Variants in HCN1 observed in about 807,000 individuals in gnomAD.
HCN1 encodes hyperpolarization activated cyclic nucleotide gated potassium channel 1.
Under a neutral mutation model 78.9 loss-of-function variants are expected in HCN1, and 13 were observed. The observed-to-expected ratio is 0.16, with a 90% CI of 0.11 to 0.26. The LOEUF (loss-of-function observed/expected upper bound fraction) is 0.26. Ranked by LOEUF, HCN1 falls within the 10% of genes least tolerant of loss-of-function variation. The probability of loss-of-function intolerance (pLI) is 1.00; values close to 1 mark genes in which losing one functional copy is unlikely to be tolerated. For synonymous variants in HCN1, 552 were observed against 455.5 expected (o/e 1.21, Z -2.70); for missense variants, 810 against 1,154.3 (o/e 0.70, Z 4.32).
intron 4 of HCN1, among the ~76,000 whole-genome samples, chr5:45,372,210 TATA>T (rs1237107214): frequency 1.9e-4 from 14 of 72,196 alleles, no homozygotes; most frequent in Admixed American, 8.1e-4. Context: ...ATACATATTA[TATA>T]ATATAATATA....
At chr5:45,417,527 C>G (rs1230851091) in intron 3 of HCN1, among the ~76,000 whole-genome samples, 1 of 151,606 alleles carries the variant, frequency 6.6e-6, no homozygotes, top group South Asian at 2.1e-4. Context: ...AATACAAGGT[C>G]ATTGCCTCCA....
intron 1 of HCN1, among the ~76,000 whole-genome samples, chr5:45,660,148 T>G (rs1374919500): frequency 8.4e-6 from 1 of 119,326 alleles, no homozygotes; most frequent in Non-Finnish European, 1.7e-5. Flanking sequence ...GGGCCAATAT[T>G]CAACATTCTT....
intron 2 of HCN1, among the ~76,000 whole-genome samples, chr5:45,601,442 G>GT (rs1213619434): frequency 6.6e-6 from 1 of 152,140 alleles, no homozygotes; most frequent in Admixed American, 6.6e-5. Context: ...TGGGGCCTGT[G>GT]TTTCTCACCT....
intron 2 of HCN1, among the ~76,000 whole-genome samples, chr5:45,522,602 CTT>C (rs79339415): frequency 2.1e-4 from 29 of 141,326 alleles, no homozygotes; most frequent in Non-Finnish European, 2.6e-4. Flanking sequence ...AGTCTCTTTT[CTT>C]TTTTTTTTTT....
At chr5:45,271,433 CT>C (rs1182952600) in intron 6 of HCN1, among the ~76,000 whole-genome samples, 1 of 150,640 alleles carries the variant, frequency 6.6e-6, no homozygotes, top group Non-Finnish European at 1.5e-5. Context: ...TTTAGGGATT[CT>C]TTTTTTGGTA....
chr5:45,488,538 G>T (rs1002012110), intron 2 of HCN1, among the ~76,000 whole-genome samples: 1 of 151,908 alleles, frequency 6.6e-6, no homozygotes, highest in Non-Finnish European at 1.5e-5. Flanking sequence ...ATATAATATT[G>T]CTTTAAAAGA....
intron 3 of HCN1, among the ~76,000 whole-genome samples, chr5:45,425,760 T>C (rs1016856583): frequency 6.6e-6 from 1 of 152,172 alleles, no homozygotes. Flanking sequence ...TATTGTGATT[T>C]TATTCATTGA....
At chr5:45,650,686 T>C (rs1426451557) in intron 1 of HCN1, among the ~76,000 whole-genome samples, 1 of 151,930 alleles carries the variant, frequency 6.6e-6, no homozygotes, top group East Asian at 1.9e-4. Flanking sequence ...TTATGTAGAG[T>C]GTATCTTCTC....
chr5:45,443,531 G>A (rs1740725309), intron 3 of HCN1, among the ~76,000 whole-genome samples: 1 of 151,976 alleles, frequency 6.6e-6, no homozygotes, highest in South Asian at 2.1e-4. Flanking sequence ...GAAAAAAGAT[G>A]CGTTAACTCA....
intron 4 of HCN1, among the ~76,000 whole-genome samples, chr5:45,368,379 C>T (rs530635898): frequency 6.6e-6 from 1 of 151,854 alleles, no homozygotes; most frequent in African/African-American, 2.4e-5. Context: ...AATTATTTTT[C>T]CTAAAGTTAA....
chr5:45,272,135 C>T (rs1029796514), intron 6 of HCN1, among the ~76,000 whole-genome samples: 8 of 151,998 alleles, frequency 5.3e-5, no homozygotes, highest in Non-Finnish European at 1.0e-4. Flanking sequence ...AATTGAATGT[C>T]CAGATTAATT....
chr5:45,278,125 G>T (rs935984397), intron 6 of HCN1, among the ~76,000 whole-genome samples: 1 of 151,962 alleles, frequency 6.6e-6, no homozygotes, highest in African/African-American at 2.4e-5. Context: ...ATCCCCCTGA[G>T]TGCCTGACTC....
At chr5:45,398,922 C>A (rs1035899676) in intron 3 of HCN1, among the ~76,000 whole-genome samples, 1 of 152,190 alleles carries the variant, frequency 6.6e-6, no homozygotes, top group African/African-American at 2.4e-5. Context: ...ATTCTAATGA[C>A]TTTCTAAAGT....
chr5:45,671,815 T>A (rs553032390), intron 1 of HCN1, among the ~76,000 whole-genome samples: 1 of 151,722 alleles, frequency 6.6e-6, no homozygotes, highest in African/African-American at 2.4e-5. Flanking sequence ...TAATTTAAAT[T>A]GAGTTAGGAC....
chr5:45,307,382 A>G (rs1745758021), intron 5 of HCN1, among the ~76,000 whole-genome samples: 1 of 152,126 alleles, frequency 6.6e-6, no homozygotes, highest in Non-Finnish European at 1.5e-5. Context: ...AAAGAATACA[A>G]TAAGGAAAAG....
At chr5:45,516,590 C>T (rs1742520822) in intron 2 of HCN1, among the ~76,000 whole-genome samples, 1 of 151,834 alleles carries the variant, frequency 6.6e-6, no homozygotes, top group Non-Finnish European at 1.5e-5. Flanking sequence ...ATTTTTGTAA[C>T]TCTATTGGAA....
intron 6 of HCN1, among the ~76,000 whole-genome samples, chr5:45,295,365 G>T (rs562047039): frequency 6.6e-6 from 1 of 151,928 alleles, no homozygotes; most frequent in African/African-American, 2.4e-5. Context: ...GAGTGGCATG[G>T]TACTTTTTGC....
At chr5:45,579,491 G>C (rs1321885141) in intron 2 of HCN1, among the ~76,000 whole-genome samples, 2 of 151,816 alleles carry the variant, frequency 1.3e-5, no homozygotes, top group Non-Finnish European at 2.9e-5. Context: ...TATCTACCAT[G>C]GTCTCGCAAA....
intron 4 of HCN1, among the ~76,000 whole-genome samples, chr5:45,376,619 G>T (rs774105995): frequency 6.6e-6 from 1 of 151,758 alleles, no homozygotes; most frequent in Admixed American, 6.6e-5. Context: ...AGTTTGCAAA[G>T]AATGTTTAAT....
Sources: gnomAD v4.1 joint callset for allele counts (sites outside exome capture counted in the v4.1 genomes callset) on GRCh38, gnomAD v4.1.1 for gene constraint, MANE v1.5 for transcripts, NCBI Gene and HGNC (gene_info 2026-07-23, HGNC 2026-07-21) for gene names.